Variants in ARID1A observed in about 807,000 individuals in gnomAD.
ARID1A encodes the protein AT-rich interaction domain 1A.
A neutral mutation model predicts 212.6 loss-of-function variants in ARID1A; 20 were observed. That is an observed-to-expected ratio of 0.09 (90% CI 0.07 to 0.14). The LOEUF is 0.14. Among genes scored for constraint, ARID1A ranks in the 10% least tolerant of loss-of-function variants. ARID1A has a pLI of 1.00. For synonymous variants in ARID1A, 1,376 were observed against 1,222.1 expected, an observed-to-expected ratio of 1.13 and a Z score of -2.63; for missense variants, 2,587 against 3,059.0, an observed-to-expected ratio of 0.85 and a Z score of 3.64.
chr1:26,756,878 A>G (rs2080943369), intron 4 of ARID1A, among the ~76,000 whole-genome samples: 1 of 151,338 alleles, frequency 6.6e-6, no homozygotes. Context: ...AATTTTTTGT[A>G]TTTTTAGTAA....
At chr1:26,727,837 G>A (rs1481520128) in intron 1 of ARID1A, 3 of 152,218 alleles carry the variant, frequency 2.0e-5, no homozygotes, top group African/African-American at 7.2e-5. Flanking sequence ...GTGATGAGAT[G>A]AGGACCTCAG....
At chr1:26,761,906 T>G (rs1477170002) in intron 6 of ARID1A, among the ~76,000 whole-genome samples, 1 of 152,088 alleles carries the variant, frequency 6.6e-6, no homozygotes, top group Non-Finnish European at 1.5e-5. Flanking sequence ...TTCATTTTGG[T>G]TTTTGTCATT....
intron 1 of ARID1A, among the ~76,000 whole-genome samples, chr1:26,727,213 G>GAAA (rs2080627387): frequency 6.6e-6 from 1 of 152,192 alleles, no homozygotes; most frequent in Admixed American, 6.5e-5. Context: ...GAGAGAGGTA[G>GAAA]GATTTGGACC....
At chr1:26,744,672 T>C (rs2080820280) in intron 4 of ARID1A, among the ~76,000 whole-genome samples, 1 of 152,172 alleles carries the variant, frequency 6.6e-6, no homozygotes, top group African/African-American at 2.4e-5. Flanking sequence ...ACACTTGGTA[T>C]CCTCTCTGGC....
chr1:26,729,342 C>A, intron 1 of ARID1A: 1 of 389,340 alleles, frequency 2.6e-6, no homozygotes, highest in Non-Finnish European at 4.9e-6. Context: ...CCGTCCTCTA[C>A]CAACTGAAGG....
chr1:26,773,071 G>A, intron 14 of ARID1A, 84 bp downstream of exon 14: 1 of 1,518,342 alleles, frequency 6.6e-7, no homozygotes, highest in Non-Finnish European at 8.9e-7. Context: ...ATGGCTCAGG[G>A]TTCTTGTGGA....
chr1:26,740,887 G>C (rs768999212), intron 4 of ARID1A, among the ~76,000 whole-genome samples: 1 of 152,210 alleles, frequency 6.6e-6, no homozygotes, highest in African/African-American at 2.4e-5. Context: ...GTTCTGTGTG[G>C]TGGAATATTT....
chr1:26,711,457 G>A (rs1477400539), intron 1 of ARID1A, among the ~76,000 whole-genome samples: 1 of 151,936 alleles, frequency 6.6e-6, no homozygotes, highest in Non-Finnish European at 1.5e-5. Context: ...CCATCATGGG[G>A]GCACACCCTC....
In ARID1A at chr1:26,731,149, C is replaced by T. The variant is rs2124787735; in HGVS notation, c.1351-3C>T. The T allele has an allele frequency of 6.2e-7, 1 of 1,612,706 alleles. No individual in the cohort carries two copies. The highest frequency in any genetic ancestry group is 8.5e-7 in the Non-Finnish European group (1 of 1,178,806). On this transcript the variant is annotated splice_polypyrimidine_tract_variant and splice_region_variant and intron_variant, in intron 2 of 19. Coordinates refer to ENST00000324856, the MANE Select transcript of ARID1A (RefSeq NM_006015.6). Reference sequence around the variant, plus strand: ...GCTAAAAGTATATTTTCCTTTCCTACAGATTCCTCCTTATGGACAACAAGG... The same window carrying T: ...GCTAAAAGTATATTTTCCTTTCCTATAGATTCCTCCTTATGGACAACAAGG...
At chr1:26,735,341 G>A (rs1394964826) in intron 4 of ARID1A, among the ~76,000 whole-genome samples, 1 of 152,066 alleles carries the variant, frequency 6.6e-6, no homozygotes, top group African/African-American at 2.4e-5. Context: ...TGCCCAGGCT[G>A]GAGTGCAATG....
chr1:26,731,724 ACT>A lies in ARID1A; in HGVS notation c.1803+123_1803+124del, dbSNP rs2080680110. ...TAACGTGCACTTAAAGACCAATTAAACTCTGGGTAAACATGATAACTGGATTG... is the reference window on the plus strand; with the variant it reads ...TAACGTGCACTTAAAGACCAATTAAACTGGGTAAACATGATAACTGGATTG... On this transcript the variant is annotated intron_variant, in intron 3 of 19. Transcript: ENST00000324856. 3.7e-6 allele frequency: 4 copies of A among 1,087,680 alleles called. No homozygotes were observed. The East Asian group carries it at 9.9e-5, about 27-fold the overall frequency. 67.4% of individuals were successfully genotyped at this position (1,087,680 alleles called of 1,614,324 possible). A position where few individuals can be genotyped will look rare whatever the true frequency, so the allele number is the denominator to read the frequency against.
chr1:26,756,702 G>GTT (rs760741158), intron 4 of ARID1A, among the ~76,000 whole-genome samples: 5 of 147,336 alleles, frequency 3.4e-5, no homozygotes, highest in Admixed American at 1.4e-4. Flanking sequence ...TAGCTGAAAT[G>GTT]TTTTTTTTTT....
chr1:26,701,608 G>A (rs1246335548), intron 1 of ARID1A, among the ~76,000 whole-genome samples: 1 of 152,194 alleles, frequency 6.6e-6, no homozygotes, highest in African/African-American at 2.4e-5. Flanking sequence ...ATAAAATGAA[G>A]TTGGTCTGCA....
At chr1:26,766,634 G>A in intron 10 of ARID1A, 68 bp downstream of exon 10, 1 of 1,443,458 alleles carries the variant, frequency 6.9e-7, no homozygotes, top group Non-Finnish European at 9.4e-7. Context: ...GAAGGAAAAA[G>A]AAAAGAGAGT....
chr1:26,776,823 A>G (rs1297443170), intron 19 of ARID1A, among the ~76,000 whole-genome samples: 3 of 152,158 alleles, frequency 2.0e-5, no homozygotes, highest in Non-Finnish European at 2.9e-5. Context: ...GGTAGGAGGT[A>G]TGGCCATTTA....
At chr1:26,734,312 G>C (rs1442005062) in intron 4 of ARID1A, among the ~76,000 whole-genome samples, 1 of 150,348 alleles carries the variant, frequency 6.7e-6, no homozygotes, top group Non-Finnish European at 1.5e-5. Flanking sequence ...GCTTGCTTCT[G>C]GTGACCTTTT....
intron 3 of ARID1A, among the ~76,000 whole-genome samples, chr1:26,732,226 CAAAGA>C (rs1308910647): frequency 6.6e-6 from 1 of 151,968 alleles, no homozygotes; most frequent in Non-Finnish European, 1.5e-5. Context: ...TTGTAGAGCC[CAAAGA>C]AAAGAGATGA....
At chr1:26,769,613 TC>T (rs1570610825) in intron 11 of ARID1A, 1 of 152,256 alleles carries the variant, frequency 6.6e-6, no homozygotes, top group Non-Finnish European at 1.5e-5. Flanking sequence ...CTCTAGGTTG[TC>T]CCCCTCTGTG....
rs3841356 is a variant in ARID1A, at chr1:26,780,772, T to TC, written c.*25dup. The TC allele has an allele frequency of 0.077, 115,726 of 1,498,994 alleles. 2,757 individuals carry two copies. Among genetic ancestry groups the TC allele is most frequent in the Non-Finnish European group, 0.087 (96,866 of 1,116,836 alleles). 92.9% of individuals were successfully genotyped at this position (1,498,994 alleles called of 1,614,324 possible). A position where few individuals can be genotyped will look rare whatever the true frequency, so the allele number is the denominator to read the frequency against. On this transcript the variant is annotated 3_prime_UTR_variant, in exon 20 of 20. Transcript: ENST00000324856. This position sits in a 1 kb window ranked among gnomAD's most constrained non-coding sequence, Gnocchi z 7.2. The stretch of plus-strand genomic sequence containing the variant: ...CCAGTCATGACAGCCGTGGGACACC[T>TC]CCCCCCCCCGTGTGTGTGTGCGTGT...
Sources: gnomAD v4.1 joint callset for allele counts (sites outside exome capture counted in the v4.1 genomes callset) on GRCh38, gnomAD v4.1.1 for gene constraint, Gnocchi (gnomAD v3.1) non-coding constraint, MANE v1.5 for transcripts, NCBI Gene and HGNC (gene_info 2026-07-23, HGNC 2026-07-21) for gene names.